DAPK2: variants seen among roughly 807,000 people sequenced by gnomAD.
DAPK2 encodes death associated protein kinase 2.
In DAPK2, 35 loss-of-function variants were observed where a neutral mutation model predicts 44.1. The observed-to-expected ratio is 0.79, with a 90% CI of 0.61 to 1.05. DAPK2 has a LOEUF of 1.05. DAPK2 is among the 50% of genes least tolerant of loss of function. The pLI, the probability that DAPK2 is intolerant of heterozygous loss-of-function variation, is 0.00. For synonymous variants in DAPK2, 174 were observed against 182.6 expected, an observed-to-expected ratio of 0.95 and a Z score of 0.38; for missense variants, 453 against 483.2, an observed-to-expected ratio of 0.94 and a Z score of 0.59.
At chr15:63,925,125 A>G (rs750458016) in intron 7 of DAPK2, among the ~76,000 whole-genome samples, 25 of 152,194 alleles carry the variant, frequency 1.6e-4, no homozygotes, top group Non-Finnish European at 3.2e-4. Context: ...AAGGCCTAAG[A>G]AGAGTCATAA....
At chr15:63,928,299 G>C (rs1182544095) in intron 6 of DAPK2, 1 of 152,292 alleles carries the variant, frequency 6.6e-6, no homozygotes, top group African/African-American at 2.4e-5. Flanking sequence ...AGCTCAGGGG[G>C]ATCCACCACG....
chr15:63,972,751 A>G (rs1045453032), intron 2 of DAPK2, among the ~76,000 whole-genome samples: 1 of 152,242 alleles, frequency 6.6e-6, no homozygotes. Context: ...GTTTAAAGAC[A>G]AAATTGTTAC....
At chr15:63,968,117 T>C (rs1227003841) in intron 3 of DAPK2, among the ~76,000 whole-genome samples, 1 of 152,236 alleles carries the variant, frequency 6.6e-6, no homozygotes, top group Non-Finnish European at 1.5e-5. Context: ...AGCTACCAGC[T>C]GGATCTTAAT....
intron 3 of DAPK2, among the ~76,000 whole-genome samples, chr15:63,960,617 T>A (rs1370345501): frequency 2.0e-5 from 3 of 152,258 alleles, no homozygotes; most frequent in Admixed American, 1.3e-4. Context: ...TACCCAGTAG[T>A]CATTCAGGAG....
intron 1 of DAPK2, among the ~76,000 whole-genome samples, chr15:64,022,912 G>C (rs555477421): frequency 2.0e-5 from 3 of 152,296 alleles, no homozygotes; most frequent in East Asian, 1.9e-4. Context: ...GGCCCTTCCA[G>C]TCTAAATTCT....
At chr15:64,002,040 T>C (rs1179780807) in intron 1 of DAPK2, among the ~76,000 whole-genome samples, 1 of 152,222 alleles carries the variant, frequency 6.6e-6, no homozygotes, top group Non-Finnish European at 1.5e-5. Flanking sequence ...AACTTCATGA[T>C]TTGCAAAGTA....
At chr15:63,996,410 T>A (rs1455376820) in intron 1 of DAPK2, among the ~76,000 whole-genome samples, 1 of 152,030 alleles carries the variant, frequency 6.6e-6, no homozygotes, top group African/African-American at 2.4e-5. Flanking sequence ...GCCACTGAAC[T>A]CCAGCCTGAC....
intron 1 of DAPK2, among the ~76,000 whole-genome samples, chr15:64,021,264 G>A (rs1595901031): frequency 6.6e-6 from 1 of 152,200 alleles, no homozygotes; most frequent in Non-Finnish European, 1.5e-5. Flanking sequence ...ATGATACTGC[G>A]ATGTGGGACG....
At chr15:63,959,357 G>C (rs1264259535) in intron 3 of DAPK2, among the ~76,000 whole-genome samples, 1 of 152,020 alleles carries the variant, frequency 6.6e-6, no homozygotes, top group African/African-American at 2.4e-5. Context: ...TCTTTCTCTT[G>C]CCTGATTGCC....
At chr15:63,950,650 C>T (rs989032569) in intron 3 of DAPK2, among the ~76,000 whole-genome samples, 21 of 151,740 alleles carry the variant, frequency 1.4e-4, no homozygotes, top group African/African-American at 3.9e-4. Flanking sequence ...GTAAGAAATC[C>T]GTAATGTTAG....
At chr15:64,024,108 G>C (rs2079767105) in intron 1 of DAPK2, among the ~76,000 whole-genome samples, 1 of 152,190 alleles carries the variant, frequency 6.6e-6, no homozygotes, top group South Asian at 2.1e-4. Context: ...AGAAGTCAAA[G>C]AAGCAGAGGT....
chr15:63,909,890 C>T (rs2078743255), intron 10 of DAPK2: 3 of 152,224 alleles, frequency 2.0e-5, no homozygotes, highest in African/African-American at 7.2e-5. Context: ...GCCAGCGGCT[C>T]AGCCTGCGAG....
At chr15:63,932,609 AG>A (rs1407159534) in intron 4 of DAPK2, 1 of 152,028 alleles carries the variant, frequency 6.6e-6, no homozygotes, top group African/African-American at 2.4e-5. Flanking sequence ...AAAAGAGGAC[AG>A]TAGCTTGAGA....
intron 3 of DAPK2, among the ~76,000 whole-genome samples, chr15:63,948,695 T>G (rs1401522445): frequency 6.6e-6 from 1 of 152,188 alleles, no homozygotes; most frequent in African/African-American, 2.4e-5. Context: ...CCTCCTGCGT[T>G]CCTCCACACA....
At chr15:64,024,334 A>AG (rs2079774245) in intron 1 of DAPK2, among the ~76,000 whole-genome samples, 1 of 152,184 alleles carries the variant, frequency 6.6e-6, no homozygotes, top group Non-Finnish European at 1.5e-5. Context: ...GCAAGGGCCT[A>AG]GGGCATGGAG....
Position 63,976,037 on chromosome 15 carries a change from C to T in DAPK2, c.315-4476G>A, listed in dbSNP as rs977744271. ...TTCCAGAAGCACACCTGGACCCACT[C>T]AATAATCTTAGCATCATGAAAAGTA... is the stretch of plus-strand genomic sequence containing the variant. On this transcript the variant is annotated intron_variant, in intron 2 of 10. Transcript: ENST00000261891. Among the ~76,000 whole-genome samples, 7 of 152,194 alleles carry T rather than the reference C, an allele frequency of 4.6e-5. No individual in the cohort carries two copies. The East Asian group carries it at 1.3e-3, about 29-fold the overall frequency.
At chr15:63,934,840 G>A (rs376257376) in intron 4 of DAPK2, among the ~76,000 whole-genome samples, 19 of 152,228 alleles carry the variant, frequency 1.2e-4, no homozygotes, top group African/African-American at 3.1e-4. Context: ...GATTACAGGC[G>A]TGAGTCACTA....
At chr15:64,027,755 G>C (rs746645357) in intron 1 of DAPK2, among the ~76,000 whole-genome samples, 1 of 152,100 alleles carries the variant, frequency 6.6e-6, no homozygotes, top group Non-Finnish European at 1.5e-5. Context: ...CAATAAAAGA[G>C]TATTGGCAAA....
rs1481380377 is a variant in DAPK2, at chr15:63,924,983, T to C, written c.813-122A>G. 13 of 1,018,134 alleles carry C rather than the reference T, an allele frequency of 1.3e-5. No homozygotes were observed. In the East Asian group the frequency reaches 3.1e-4, roughly 25 times the overall value. 63.1% of individuals were successfully genotyped at this position (1,018,134 alleles called of 1,614,324 possible). On this transcript the variant is annotated intron_variant, in intron 7 of 10. Transcript: ENST00000261891. ...TATTTGGCCACTGCCGTCAAACCAG[T>C]GGAATGGAGGATGCAGAGATGGATG...
Sources: gnomAD v4.1 joint callset for allele counts (sites outside exome capture counted in the v4.1 genomes callset) on GRCh38, gnomAD v4.1.1 for gene constraint, MANE v1.5 for transcripts, NCBI Gene and HGNC (gene_info 2026-07-23, HGNC 2026-07-21) for gene names.